CNTNAP2: variants seen among roughly 807,000 people sequenced by gnomAD.
The protein encoded by CNTNAP2 is contactin-associated protein-like 2.
CNTNAP2 carries 98 observed loss-of-function variants against 155.2 expected under a neutral mutation model. The ratio of observed to expected loss-of-function variants is 0.63; its 90% CI spans 0.54 to 0.75. CNTNAP2 has a LOEUF of 0.75. CNTNAP2 is among the 30% of genes least tolerant of loss of function. The pLI is 0.00. For missense variants in CNTNAP2, 1,727 were observed against 1,688.1 expected, an observed-to-expected ratio of 1.02 and a Z score of -0.40; for synonymous variants, 651 against 631.2, an observed-to-expected ratio of 1.03 and a Z score of -0.47.
chr7:146,629,871 T>C (rs1348523038), intron 1 of CNTNAP2, among the ~76,000 whole-genome samples: 4 of 152,122 alleles, frequency 2.6e-5, no homozygotes, highest in Non-Finnish European at 4.4e-5. Flanking sequence ...ATGAGTTCAT[T>C]AGGGAGAAAT....
chr7:147,848,563 C>T (rs528596468), intron 13 of CNTNAP2, among the ~76,000 whole-genome samples: 98 of 151,730 alleles, frequency 6.5e-4, no homozygotes, highest in African/African-American at 2.1e-3. Flanking sequence ...TCTTCTGCGT[C>T]ACTCACGCTG....
chr7:148,394,936 G>A (rs1799433397), intron 22 of CNTNAP2, among the ~76,000 whole-genome samples: 1 of 152,032 alleles, frequency 6.6e-6, no homozygotes, highest in African/African-American at 2.4e-5. Flanking sequence ...GTTATTTTAT[G>A]ATAATCTGTC....
At chr7:146,705,401 T>C (rs1800945387) in intron 1 of CNTNAP2, among the ~76,000 whole-genome samples, 1 of 152,064 alleles carries the variant, frequency 6.6e-6, no homozygotes, top group African/African-American at 2.4e-5. Flanking sequence ...TGTTCTCGCA[T>C]GGTGGGGAGG....
At chr7:147,087,678 A>G (rs1006054610) in intron 4 of CNTNAP2, among the ~76,000 whole-genome samples, 1 of 152,124 alleles carries the variant, frequency 6.6e-6, no homozygotes, top group Non-Finnish European at 1.5e-5. Context: ...TACTTTATTT[A>G]TAAGAAAAAT....
chr7:146,811,477 T>C (rs1803065123), intron 2 of CNTNAP2, among the ~76,000 whole-genome samples: 1 of 152,158 alleles, frequency 6.6e-6, no homozygotes, highest in Non-Finnish European at 1.5e-5. Context: ...GTATCGGTTG[T>C]AATGTTTTCT....
chr7:146,148,786 G>A (rs1225509111), intron 1 of CNTNAP2, among the ~76,000 whole-genome samples: 2 of 151,962 alleles, frequency 1.3e-5, no homozygotes, highest in African/African-American at 2.4e-5. Flanking sequence ...TAAAATCATT[G>A]ATAACATAAT....
intron 1 of CNTNAP2, among the ~76,000 whole-genome samples, chr7:146,727,107 A>G (rs974459743): frequency 6.6e-6 from 1 of 152,158 alleles, no homozygotes; most frequent in African/African-American, 2.4e-5. Flanking sequence ...AGCATTTACT[A>G]TAGGAAACAT....
At chr7:146,933,304 C>G (rs945425331) in intron 3 of CNTNAP2, among the ~76,000 whole-genome samples, 1 of 152,030 alleles carries the variant, frequency 6.6e-6, no homozygotes, top group African/African-American at 2.4e-5. Flanking sequence ...ACTATCTGAT[C>G]TTTGACAAAC....
chr7:148,238,596 G>C (rs775176352), intron 20 of CNTNAP2, among the ~76,000 whole-genome samples: 2 of 152,164 alleles, frequency 1.3e-5, no homozygotes, highest in Non-Finnish European at 2.9e-5. Context: ...TAAAAGCAAT[G>C]ACTTTATAGC....
intron 10 of CNTNAP2, among the ~76,000 whole-genome samples, chr7:147,440,439 T>A (rs1269156401): frequency 6.6e-6 from 1 of 152,110 alleles, no homozygotes; most frequent in Admixed American, 6.6e-5. Context: ...TCTTCAAAAG[T>A]AGTTGTAGTT....
intron 1 of CNTNAP2, among the ~76,000 whole-genome samples, chr7:146,532,019 A>G (rs1207752193): frequency 6.6e-6 from 1 of 152,188 alleles, no homozygotes; most frequent in African/African-American, 2.4e-5. Flanking sequence ...CCATTAAAAA[A>G]AGAAAAATAA....
chr7:146,741,906 G>GA (rs1470248299), intron 1 of CNTNAP2, among the ~76,000 whole-genome samples: 3 of 151,830 alleles, frequency 2.0e-5, no homozygotes, highest in African/African-American at 7.3e-5. Context: ...AAATTGGAAG[G>GA]AAAAAACCCT....
chr7:148,001,007 A>G (rs1174386328), intron 15 of CNTNAP2, among the ~76,000 whole-genome samples: 2 of 152,108 alleles, frequency 1.3e-5, no homozygotes, highest in Non-Finnish European at 2.9e-5. Context: ...CAAGGATTTC[A>G]TTGTGTGTTC....
At chr7:146,895,526 A>G (rs1795858725) in intron 3 of CNTNAP2, among the ~76,000 whole-genome samples, 1 of 152,092 alleles carries the variant, frequency 6.6e-6, no homozygotes, top group Non-Finnish European at 1.5e-5. Flanking sequence ...TGTAGTTGTA[A>G]AAACATAACA....
At chr7:146,666,810 A>G (rs1585032859) in intron 1 of CNTNAP2, among the ~76,000 whole-genome samples, 2 of 152,242 alleles carry the variant, frequency 1.3e-5, no homozygotes, top group Admixed American at 1.3e-4. Flanking sequence ...ACATCAGTTC[A>G]GATCATTTGC....
chr7:146,138,141 T>C (rs1584767740), intron 1 of CNTNAP2, among the ~76,000 whole-genome samples: 1 of 152,148 alleles, frequency 6.6e-6, no homozygotes, highest in Admixed American at 6.6e-5. Context: ...TATAAAACTT[T>C]AAGTATAAAT....
intron 2 of CNTNAP2, among the ~76,000 whole-genome samples, chr7:146,798,001 T>A (rs916675363): frequency 2.0e-5 from 3 of 147,980 alleles, no homozygotes; most frequent in African/African-American, 8.0e-5. Flanking sequence ...TGGCCGAGTG[T>A]GGTGGCTTAC....
intron 3 of CNTNAP2, among the ~76,000 whole-genome samples, chr7:146,928,431 A>G (rs1796657550): frequency 6.6e-6 from 1 of 152,152 alleles, no homozygotes; most frequent in South Asian, 2.1e-4. Flanking sequence ...TTAATGATAA[A>G]ATTTGTTCAA....
At chr7:146,463,181 A>C (rs1222623750) in intron 1 of CNTNAP2, among the ~76,000 whole-genome samples, 1 of 152,188 alleles carries the variant, frequency 6.6e-6, no homozygotes, top group Non-Finnish European at 1.5e-5. Context: ...GATGAATACA[A>C]GAAGAGAACT....
Sources: gnomAD v4.1 joint callset for allele counts (sites outside exome capture counted in the v4.1 genomes callset) on GRCh38, gnomAD v4.1.1 for gene constraint, MANE v1.5 for transcripts, NCBI Gene and HGNC (gene_info 2026-07-23, HGNC 2026-07-21) for gene names.